The following CCSER1 variants were observed in gnomAD, a reference collection of about 807,000 sequenced individuals.
CCSER1 encodes the protein coiled-coil serine rich protein 1.
A neutral mutation model predicts 82.0 loss-of-function variants in CCSER1; 41 were observed. The ratio of observed to expected loss-of-function variants is 0.50; its 90% CI spans 0.39 to 0.65. The LOEUF (loss-of-function observed/expected upper bound fraction) is 0.65. CCSER1 is among the 30% of genes least tolerant of loss of function. The probability of loss-of-function intolerance (pLI) is 0.00; values close to 1 mark genes in which losing one functional copy is unlikely to be tolerated. For synonymous variants in CCSER1, 414 were observed against 383.9 expected (o/e 1.08, Z -0.92); for missense variants, 1,119 against 1,064.2 (o/e 1.05, Z -0.72).
At chr4:90,944,180 T>G (rs6815553) in intron 9 of CCSER1, among the ~76,000 whole-genome samples, 7 of 148,066 alleles carry the variant, frequency 4.7e-5, no homozygotes, top group Admixed American at 4.1e-4. Flanking sequence ...TGCAGTGAGC[T>G]GAGATGACGC....
In CCSER1 at chr4:90,392,609, T is replaced by C. The variant is rs187829875; in HGVS notation, c.1510-7427T>C. 2.5e-3 allele frequency among the ~76,000 whole-genome samples: 388 copies of C among 152,244 alleles called. 1 individual carries two copies. The Middle Eastern group carries it at 0.034, about 13-fold the overall frequency. On this transcript the variant is annotated intron_variant, in intron 3 of 10. Transcript: ENST00000509176. Reference sequence around the variant, plus strand: ...TGCAAAAATGTATAATGACATCATATTATAATAAGGAATAACATAAGCTCT... The same window carrying C: ...TGCAAAAATGTATAATGACATCATACTATAATAAGGAATAACATAAGCTCT...
At chr4:90,725,795 C>T (rs1468618830) in intron 7 of CCSER1, among the ~76,000 whole-genome samples, 1 of 151,616 alleles carries the variant, frequency 6.6e-6, no homozygotes, top group Non-Finnish European at 1.5e-5. Flanking sequence ...AAATAGAAGA[C>T]ATTTAAGTTT....
intron 5 of CCSER1, among the ~76,000 whole-genome samples, chr4:90,594,098 GC>G (rs1172420313): frequency 6.6e-6 from 1 of 151,696 alleles, no homozygotes; most frequent in African/African-American, 2.4e-5. Context: ...GTGGCTATTG[GC>G]ATTCACTAGG....
At chr4:91,471,660 C>G (rs1757281308) in intron 10 of CCSER1, among the ~76,000 whole-genome samples, 2 of 152,022 alleles carry the variant, frequency 1.3e-5, no homozygotes, top group African/African-American at 4.8e-5. Context: ...TTCAGAGGTA[C>G]CTACAGCATT....
At chr4:91,443,472 A>T (rs1755336229) in intron 10 of CCSER1, among the ~76,000 whole-genome samples, 1 of 128,350 alleles carries the variant, frequency 7.8e-6, no homozygotes, top group Admixed American at 9.9e-5. Context: ...ACATGGACAC[A>T]GGAAGGGGAA....
In CCSER1 at chr4:91,563,777, G is replaced by A. The variant is rs183867108; in HGVS notation, c.2218-34795G>A. On this transcript the variant is annotated intron_variant, in intron 10 of 10. Transcript: ENST00000509176. The stretch of plus-strand genomic sequence containing the variant: ...AATTGTCTCTTTCGGCAAAGGACAT[G>A]CTCTCATACAGAGAAAATTCTAAAG... 3.0e-4 allele frequency among the ~76,000 whole-genome samples: 46 copies of A among 151,884 alleles called. No homozygotes were observed. The East Asian group carries it at 8.3e-3, about 28-fold the overall frequency.
rs58057058 is a variant in CCSER1, at chr4:90,326,484, T to C, written c.1509+13437T>C. 3.5e-3 allele frequency among the ~76,000 whole-genome samples: 529 copies of C among 152,098 alleles called. 3 individuals are homozygous for C. The highest frequency in any genetic ancestry group is 0.012 in the African/African-American group (502 of 41,464). On this transcript the variant is annotated intron_variant, in intron 3 of 10. Coordinates refer to ENST00000509176, the MANE Select transcript of CCSER1 (RefSeq NM_001145065.2). Reference sequence around the variant, plus strand: ...AGTTTGCTCTGAAATTCCATATATATATATATATCTTCTGTTGTTCTTAGT... The same window carrying C: ...AGTTTGCTCTGAAATTCCATATATACATATATATCTTCTGTTGTTCTTAGT...
chr4:90,456,358 G>A (rs1165789651), intron 4 of CCSER1, among the ~76,000 whole-genome samples: 1 of 152,100 alleles, frequency 6.6e-6, no homozygotes, highest in Non-Finnish European at 1.5e-5. Context: ...TCTGTACTTT[G>A]CAACAACACC....
chr4:91,210,926 G>A (rs1424570801), intron 10 of CCSER1, among the ~76,000 whole-genome samples: 1 of 151,882 alleles, frequency 6.6e-6, no homozygotes, highest in Non-Finnish European at 1.5e-5. Context: ...CTAAGTATTC[G>A]GGTGTGATCG....
chr4:91,242,741 A>G (rs1219157835), intron 10 of CCSER1, among the ~76,000 whole-genome samples: 1 of 152,196 alleles, frequency 6.6e-6, no homozygotes, highest in East Asian at 1.9e-4. Flanking sequence ...CATAAAATAC[A>G]TACTTGAAAA....
chr4:90,533,011 G>T (rs1050474247), intron 5 of CCSER1, among the ~76,000 whole-genome samples: 1 of 151,054 alleles, frequency 6.6e-6, no homozygotes, highest in Admixed American at 6.6e-5. Flanking sequence ...AGGGTTGAGG[G>T]TCTCCTATTT....
At chr4:90,446,495 C>G (rs1179881765) in intron 4 of CCSER1, among the ~76,000 whole-genome samples, 1 of 151,946 alleles carries the variant, frequency 6.6e-6, no homozygotes, top group Non-Finnish European at 1.5e-5. Context: ...TAATTTGATA[C>G]TTATTCTTTT....
At chr4:91,088,801 C>G (rs1329937909) in intron 10 of CCSER1, among the ~76,000 whole-genome samples, 2 of 151,988 alleles carry the variant, frequency 1.3e-5, no homozygotes, top group Non-Finnish European at 2.9e-5. Context: ...TGGGATTTTG[C>G]AACTCATAGA....
rs79886131 is a variant in CCSER1, at chr4:91,172,725, C to A, written c.2217+86731C>A. 3.9e-3 allele frequency among the ~76,000 whole-genome samples: 593 copies of A among 152,200 alleles called. 5 individuals are homozygous for A. The highest frequency in any genetic ancestry group is 0.013 in the African/African-American group (555 of 41,536). ...ACTTTATTTTCATCCAGGGGTTTTC[C>A]TCCTAGAAGAGTAGTGGGGGATGAA... On this transcript the variant is annotated intron_variant, in intron 10 of 10. Transcript: ENST00000509176.
At chr4:90,598,745 G>A (rs930672937) in intron 5 of CCSER1, among the ~76,000 whole-genome samples, 10 of 152,030 alleles carry the variant, frequency 6.6e-5, no homozygotes, top group African/African-American at 2.2e-4. Context: ...TGGTGTGGTG[G>A]GACACTGGGT....
intron 9 of CCSER1, among the ~76,000 whole-genome samples, chr4:91,054,623 G>C (rs2148717699): frequency 6.6e-6 from 1 of 151,908 alleles, no homozygotes; most frequent in African/African-American, 2.4e-5. Context: ...GATCTAAAGT[G>C]AGTCTCTTTT....
At chr4:90,463,566 T>G (rs1337217811) in intron 4 of CCSER1, among the ~76,000 whole-genome samples, 1 of 152,318 alleles carries the variant, frequency 6.6e-6, no homozygotes, top group East Asian at 1.9e-4. Context: ...AGGTTAAGCT[T>G]TATCAGCGGG....
chr4:90,450,832 T>G (rs1182458493), intron 4 of CCSER1, among the ~76,000 whole-genome samples: 1 of 152,222 alleles, frequency 6.6e-6, no homozygotes, highest in African/African-American at 2.4e-5. Context: ...CTCTGATAGT[T>G]GTTGCAGTTT....
At chr4:90,713,720 T>G (rs1005872092) in intron 6 of CCSER1, among the ~76,000 whole-genome samples, 3 of 152,048 alleles carry the variant, frequency 2.0e-5, no homozygotes, top group Non-Finnish European at 4.4e-5. Flanking sequence ...TTCTTCTGGA[T>G]GATATCCTGG....
Sources: gnomAD v4.1 joint callset for allele counts (sites outside exome capture counted in the v4.1 genomes callset) on GRCh38, gnomAD v4.1.1 for gene constraint, MANE v1.5 for transcripts, NCBI Gene and HGNC (gene_info 2026-07-23, HGNC 2026-07-21) for gene names.